The following RARB variants were observed in gnomAD, a reference collection of about 807,000 sequenced individuals.
The protein encoded by RARB is HBV-activated protein.
RARB carries 17 observed loss-of-function variants against 51.9 expected under a neutral mutation model. The ratio of observed to expected loss-of-function variants is 0.33; its 90% CI spans 0.22 to 0.49. RARB has a LOEUF of 0.49. Among genes scored for constraint, RARB ranks in the 20% least tolerant of loss-of-function variants. RARB has a pLI of 0.99. For missense variants in RARB, 369 were observed against 550.8 expected, an observed-to-expected ratio of 0.67 and a Z score of 3.30; for synonymous variants, 215 against 195.4, an observed-to-expected ratio of 1.10 and a Z score of -0.84.
intron 3 of RARB, among the ~76,000 whole-genome samples, chr3:25,105,213 C>G (rs1241767513): frequency 1.3e-5 from 2 of 151,918 alleles, no homozygotes; most frequent in East Asian, 3.9e-4. Flanking sequence ...TATCCTGAAT[C>G]CCCACAGAGC....
At chr3:25,089,631 G>A (rs746886394) in intron 3 of RARB, among the ~76,000 whole-genome samples, 9 of 152,058 alleles carry the variant, frequency 5.9e-5, no homozygotes, top group African/African-American at 1.4e-4. Context: ...TTTTTCATGC[G>A]CCTATTGATA....
chr3:25,306,445 C>T (rs1466694332), intron 5 of RARB, among the ~76,000 whole-genome samples: 1 of 151,230 alleles, frequency 6.6e-6, no homozygotes, highest in Non-Finnish European at 1.5e-5. Flanking sequence ...TTATTGATGT[C>T]ATTACCTTAT....
At chr3:25,037,653 A>G (rs117924920) in intron 2 of RARB, among the ~76,000 whole-genome samples, 2 of 152,218 alleles carry the variant, frequency 1.3e-5, no homozygotes, top group East Asian at 3.9e-4. Context: ...GCACCTACCA[A>G]GGGCTAGGGG....
intron 2 of RARB, among the ~76,000 whole-genome samples, chr3:24,876,910 T>G (rs1317207284): frequency 6.6e-6 from 1 of 152,140 alleles, no homozygotes; most frequent in South Asian, 2.1e-4. Flanking sequence ...GCAAAACAGA[T>G]TTATCATAAA....
At chr3:25,188,809 A>G (rs2125362061) in intron 5 of RARB, among the ~76,000 whole-genome samples, 1 of 152,244 alleles carries the variant, frequency 6.6e-6, no homozygotes, top group East Asian at 1.9e-4. Flanking sequence ...ACCATGTTTT[A>G]TTTGGAAAAA....
intron 2 of RARB, among the ~76,000 whole-genome samples, chr3:24,953,367 T>C (rs1559409464): frequency 6.6e-6 from 1 of 152,294 alleles, no homozygotes; most frequent in South Asian, 2.1e-4. Context: ...TATACCTGAT[T>C]TATTTTCTAA....
chr3:25,499,423 GAA>G (rs1185787112), intron 2 of RARB, among the ~76,000 whole-genome samples: 6 of 152,178 alleles, frequency 3.9e-5, no homozygotes, highest in African/African-American at 1.4e-4. Flanking sequence ...TCAGAAGAGA[GAA>G]AAGGCAGCAG....
intron 5 of RARB, among the ~76,000 whole-genome samples, chr3:25,586,641 C>T (rs1166839182): frequency 6.6e-6 from 1 of 152,222 alleles, no homozygotes; most frequent in Non-Finnish European, 1.5e-5. Context: ...GCAGCACCCT[C>T]CTTCTGGTGA....
At chr3:24,958,421 C>T (rs9879934) in intron 2 of RARB, among the ~76,000 whole-genome samples, 65,312 of 151,444 alleles carry the variant, frequency 0.43, 14,529 homozygotes, top group East Asian at 0.61. Flanking sequence ...GGTTCCCAGA[C>T]GTCTGCCAAA....
intron 5 of RARB, among the ~76,000 whole-genome samples, chr3:25,365,098 G>A (rs1706071873): frequency 6.6e-6 from 1 of 151,764 alleles, no homozygotes; most frequent in African/African-American, 2.4e-5. Context: ...CCCAAATGTG[G>A]CAGTACAGAA....
intron 1 of RARB, among the ~76,000 whole-genome samples, chr3:24,830,046 G>A (rs1388362123): frequency 1.3e-5 from 2 of 152,178 alleles, no homozygotes; most frequent in African/African-American, 2.4e-5. Context: ...GCACATGGCA[G>A]GAGTTGGAGA....
intron 3 of RARB, among the ~76,000 whole-genome samples, chr3:25,543,842 C>T (rs1246999766): frequency 6.6e-6 from 1 of 152,184 alleles, no homozygotes; most frequent in East Asian, 1.9e-4. Flanking sequence ...AGAGCAAGAA[C>T]CAAGCCTGTG....
intron 2 of RARB, among the ~76,000 whole-genome samples, chr3:24,894,299 A>G (rs13059636): frequency 0.38 from 50,128 of 132,870 alleles, 10,832 homozygotes; most frequent in Admixed American, 0.48. Flanking sequence ...TCTACCATCT[A>G]GTGGCCCCAT....
intron 6 of RARB, among the ~76,000 whole-genome samples, chr3:25,593,938 A>G (rs760469153): frequency 1.3e-4 from 20 of 152,014 alleles, no homozygotes; most frequent in Admixed American, 5.2e-4. Flanking sequence ...TATTACTCCA[A>G]TTGCCACAGA....
Position 25,457,711 on chromosome 3 carries a change from T to C in RARB, c.158-3482T>C, listed in dbSNP as rs921918342. Among the ~76,000 whole-genome samples, 99 of 152,226 alleles carry C rather than the reference T, an allele frequency of 6.5e-4. 2 individuals carry two copies. The highest frequency in any genetic ancestry group is 6.4e-3 in the Admixed American group (98 of 15,274). On this transcript the variant is annotated intron_variant, in intron 1 of 7. Coordinates refer to ENST00000330688, the MANE Select transcript of RARB (RefSeq NM_000965.5). ...AGGTGAAATGCTGGACTCCCTTCAG[T>C]GCATGTGTTTGAAGTGGCATATTTA...
At chr3:25,222,864 A>G (rs1003014569) in intron 5 of RARB, among the ~76,000 whole-genome samples, 1 of 152,216 alleles carries the variant, frequency 6.6e-6, no homozygotes, top group African/African-American at 2.4e-5. Flanking sequence ...CATTCTTGTG[A>G]AGAGCAAAGC....
At chr3:25,467,209 T>A (rs570752671) in intron 2 of RARB, among the ~76,000 whole-genome samples, 20 of 152,352 alleles carry the variant, frequency 1.3e-4, no homozygotes, top group African/African-American at 4.3e-4. Flanking sequence ...CTTGGAGAGG[T>A]TTCTGGAACA....
chr3:24,910,416 C>CA (rs1459623742), intron 2 of RARB, among the ~76,000 whole-genome samples: 5 of 152,098 alleles, frequency 3.3e-5, no homozygotes, highest in African/African-American at 1.2e-4. Context: ...TAAATAAACA[C>CA]AAAATAATTG....
intron 5 of RARB, among the ~76,000 whole-genome samples, chr3:25,369,573 T>G (rs1434754780): frequency 6.6e-6 from 1 of 152,236 alleles, no homozygotes; most frequent in African/African-American, 2.4e-5. Flanking sequence ...TTTCACTCCT[T>G]TGTATCTATT....
Sources: gnomAD v4.1 joint callset for allele counts (sites outside exome capture counted in the v4.1 genomes callset) on GRCh38, gnomAD v4.1.1 for gene constraint, MANE v1.5 for transcripts, NCBI Gene and HGNC (gene_info 2026-07-23, HGNC 2026-07-21) for gene names.